Variants in ARHGEF10L observed in about 807,000 individuals in gnomAD.
The protein encoded by ARHGEF10L is Rho guanine nucleotide exchange factor 10 like.
In ARHGEF10L, 69 loss-of-function variants were observed where a neutral mutation model predicts 141.2. The ratio of observed to expected loss-of-function variants is 0.49; its 90% confidence interval spans 0.40 to 0.60. ARHGEF10L has a LOEUF of 0.60. ARHGEF10L is among the 20% of genes least tolerant of loss of function. The pLI is 0.00. For missense variants in ARHGEF10L, 1,482 were observed against 1,734.3 expected (o/e 0.85, Z 2.58); for synonymous variants, 711 against 718.5 (o/e 0.99, Z 0.17).
rs780715414 is a variant in ARHGEF10L, at chr1:17,627,401, G to T, written c.1482G>T (p.Glu494Asp). 6.2e-7 allele frequency: 1 copy of T among 1,614,086 alleles called. No homozygotes were observed. Among genetic ancestry groups the T allele is most frequent in the South Asian group, 1.1e-5 (1 of 91,086 alleles). ...LSLQLALTELETLAEKLNEQK... is the reference protein window; with the variant it reads ...LSLQLALTELDTLAEKLNEQK... Reference sequence around the variant, plus strand: ...TGCAGCTGGCCCTCACAGAGCTGGAGACGCTGGCTGAGAAGCTGAACGAGC... The same window carrying T: ...TGCAGCTGGCCCTCACAGAGCTGGATACGCTGGCTGAGAAGCTGAACGAGC... Residue 494 changes from glutamate to aspartate, a missense_variant, in exon 15 of 29, where the codon GAG (glutamate) becomes GAT (aspartate). By Grantham distance (45) the Glu-to-Asp change is conservative (BLOSUM62 2). Coordinates refer to ENST00000361221, the MANE Select transcript of ARHGEF10L (RefSeq NM_018125.4). The surrounding 1 kb of genome is among the most constrained non-coding windows in gnomAD (Gnocchi z 4.0).
intron 26 of ARHGEF10L, among the ~76,000 whole-genome samples, chr1:17,684,312 C>T (rs146162795): frequency 3.2e-4 from 49 of 152,312 alleles, no homozygotes; most frequent in African/African-American, 1.0e-3. Flanking sequence ...GAACATACAT[C>T]GCAGGAAGAG....
chr1:17,625,888 T>C lies in ARHGEF10L; in HGVS notation c.1318-68T>C. 1 of 1,396,750 alleles carries C rather than the reference T, an allele frequency of 7.2e-7. No individual in the cohort carries two copies. The highest frequency in any genetic ancestry group is 1.0e-6 in the Non-Finnish European group (1 of 988,798). The allele number at this position is 1,396,750 out of a possible 1,614,324, so 86.5% of individuals were successfully genotyped here. On this transcript the variant is annotated intron_variant, in intron 13 of 28. Coordinates refer to ENST00000361221, the MANE Select transcript of ARHGEF10L (RefSeq NM_018125.4). The surrounding 1 kb of genome is among the most constrained non-coding windows in gnomAD (Gnocchi z 4.5). Reference sequence around the variant, plus strand: ...AGAGGAGCCCAGAATGGGGACAGTGTCTGGACTCTGGGGCACTGGGCCCTC... The same window carrying C: ...AGAGGAGCCCAGAATGGGGACAGTGCCTGGACTCTGGGGCACTGGGCCCTC...
intron 1 of ARHGEF10L, among the ~76,000 whole-genome samples, chr1:17,559,806 G>T (rs2077476971): frequency 6.6e-6 from 1 of 152,136 alleles, no homozygotes; most frequent in Non-Finnish European, 1.5e-5. Context: ...CATTTCATTT[G>T]CAGGAGTGCT....
At chr1:17,582,466 C>T (rs1026142891) in intron 2 of ARHGEF10L, among the ~76,000 whole-genome samples, 1 of 152,200 alleles carries the variant, frequency 6.6e-6, no homozygotes, top group Non-Finnish European at 1.5e-5. Flanking sequence ...CCATTACCTT[C>T]CCAAATTAAA....
chr1:17,588,954 A>G (rs1448879791), intron 4 of ARHGEF10L, among the ~76,000 whole-genome samples: 1 of 144,092 alleles, frequency 6.9e-6, no homozygotes, highest in Non-Finnish European at 1.5e-5. Context: ...CATTGTAATT[A>G]TTTTTGCAGT....
intron 26 of ARHGEF10L, among the ~76,000 whole-genome samples, chr1:17,680,074 ACCCTGC>A (rs993479566): frequency 3.5e-5 from 5 of 141,828 alleles, no homozygotes; most frequent in African/African-American, 1.3e-4. Context: ...GCCTTGCCCC[ACCCTGC>A]CCCTGCCCCT....
chr1:17,634,498 C>T, intron 16 of ARHGEF10L, 50 bp from the exon 17 acceptor site: 4 of 1,614,182 alleles, frequency 2.5e-6, no homozygotes, highest in Non-Finnish European at 3.4e-6. Context: ...CCCAGATTAG[C>T]CACTCCATTG....
At chr1:17,686,078 TTTTCTTTCTTTC>T (rs537589890) in intron 26 of ARHGEF10L, among the ~76,000 whole-genome samples, 23 of 140,552 alleles carry the variant, frequency 1.6e-4, no homozygotes, top group Admixed American at 5.5e-4. Flanking sequence ...GTTTTGTTTT[TTTTCTTTCTTTC>T]TTTCTTTCTT....
At chr1:17,693,186 C>T (rs778311233) in intron 27 of ARHGEF10L, among the ~76,000 whole-genome samples, 2 of 152,386 alleles carry the variant, frequency 1.3e-5, no homozygotes, top group Non-Finnish European at 2.9e-5. Flanking sequence ...CTCAGTGCCA[C>T]TAGCTATATT....
At chr1:17,550,561 G>A (rs1417677015) in intron 1 of ARHGEF10L, among the ~76,000 whole-genome samples, 12 of 151,438 alleles carry the variant, frequency 7.9e-5, no homozygotes, top group South Asian at 4.2e-4. Context: ...AGAATTGCTC[G>A]AACCCAGGAG....
intron 4 of ARHGEF10L, among the ~76,000 whole-genome samples, chr1:17,594,782 G>T (rs1475573248): frequency 6.6e-6 from 1 of 152,170 alleles, no homozygotes; most frequent in East Asian, 1.9e-4. Context: ...ACCATACCCG[G>T]CCCCCTCAGT....
At chr1:17,542,468 G>C (rs144428878) in intron 1 of ARHGEF10L, among the ~76,000 whole-genome samples, 1 of 152,188 alleles carries the variant, frequency 6.6e-6, no homozygotes, top group Non-Finnish European at 1.5e-5. Flanking sequence ...TATGAGAAAA[G>C]TGTACTGTTA....
Position 17,625,998 on chromosome 1 carries a change from C to A in ARHGEF10L, c.1360C>A (p.Leu454Met). 6.2e-7 allele frequency: 1 copy of A among 1,613,970 alleles called. No individual in the cohort carries two copies. The highest frequency in any genetic ancestry group is 8.5e-7 in the Non-Finnish European group (1 of 1,179,898). Residue 454 changes from leucine (L) to methionine (M), a missense_variant, in exon 14 of 29, where the codon CTG becomes ATG. Around this residue, in one of 3 missense-constraint regions of ARHGEF10L, gnomAD observed 392 missense variants for 542.1 expected, o/e 0.72. Coordinates refer to ENST00000361221, the MANE Select transcript of ARHGEF10L (RefSeq NM_018125.4). This position sits in a 1 kb window ranked among gnomAD's most constrained non-coding sequence, Gnocchi z 4.5. ...CCCAGACCGTGTCACCCTCTACGGG[C>A]TGATGGTCAAGCCCATCCAGAGGTT... ...CSPDRVTLYG[L>M]MVKPIQRFPQ...
chr1:17,587,689 C>A, intron 3 of ARHGEF10L, 44 bp downstream of exon 3: 1 of 1,557,740 alleles, frequency 6.4e-7, no homozygotes, highest in Non-Finnish European at 8.7e-7. Flanking sequence ...CTACAGGGAG[C>A]ATGGAGAACT....
intron 26 of ARHGEF10L, among the ~76,000 whole-genome samples, chr1:17,680,895 T>G (rs2064082711): frequency 1.3e-5 from 2 of 152,012 alleles, no homozygotes; most frequent in Non-Finnish European, 1.5e-5. Context: ...GCGATTCTCC[T>G]GCTTCAGCCT....
In ARHGEF10L at chr1:17,663,858, C is replaced by T. The variant is rs532494718; in HGVS notation, c.2861-589C>T. Among the ~76,000 whole-genome samples, 15 of 152,310 alleles carry T rather than the reference C, an allele frequency of 9.8e-5. 1 individual carries two copies. In the South Asian group the frequency reaches 2.1e-3, roughly 21 times the overall value. ...AACCAGGGCCAGACCCCAAGTCTCC[C>T]GATTCCGGGTCCAGGACACTTTCCA... is the stretch of plus-strand genomic sequence containing the variant. On this transcript the variant is annotated intron_variant, in intron 25 of 28. Transcript: ENST00000361221.
intron 4 of ARHGEF10L, among the ~76,000 whole-genome samples, chr1:17,596,115 C>T (rs1027971891): frequency 3.3e-5 from 5 of 152,244 alleles, no homozygotes; most frequent in African/African-American, 9.6e-5. Flanking sequence ...AGGGAGCTTA[C>T]CCCTGACCAA....
intron 15 of ARHGEF10L, among the ~76,000 whole-genome samples, chr1:17,629,495 G>T (rs1033604943): frequency 6.6e-6 from 1 of 152,070 alleles, no homozygotes; most frequent in Admixed American, 6.6e-5. Flanking sequence ...ACTTCCCCTT[G>T]GTTCCTACCC....
At chr1:17,601,063 A>AAC (rs1557789012) in intron 4 of ARHGEF10L, among the ~76,000 whole-genome samples, 1 of 148,040 alleles carries the variant, frequency 6.8e-6, no homozygotes, top group African/African-American at 2.6e-5. Context: ...AAAAAAAAAA[A>AAC]AAAAACAAAA....
Sources: gnomAD v4.1 joint callset for allele counts (sites outside exome capture counted in the v4.1 genomes callset) on GRCh38, gnomAD v4.1.1 for gene constraint, gnomAD v4.1.1 regional missense constraint, Gnocchi (gnomAD v3.1) non-coding constraint, MANE v1.5 for transcripts, NCBI Gene and HGNC (gene_info 2026-07-23, HGNC 2026-07-21) for gene names.